DOK6: variants seen among roughly 807,000 people sequenced by gnomAD.
DOK6 encodes docking protein 6, also known as downstream of tyrosine kinase 6.
DOK6 carries 22 observed loss-of-function variants against 44.0 expected under a neutral mutation model. That is an observed-to-expected ratio of 0.50 (90% CI 0.36 to 0.71). The LOEUF is 0.71. Ranked by LOEUF, DOK6 falls within the 30% of genes least tolerant of loss-of-function variation. The pLI, the probability that DOK6 is intolerant of heterozygous loss-of-function variation, is 0.00. For missense variants in DOK6, 340 were observed against 416.4 expected, an observed-to-expected ratio of 0.82 and a Z score of 1.60; for synonymous variants, 166 against 145.5, an observed-to-expected ratio of 1.14 and a Z score of -1.01.
intron 1 of DOK6, among the ~76,000 whole-genome samples, chr18:69,550,782 T>C (rs1446534231): frequency 8.8e-5 from 5 of 56,832 alleles, no homozygotes; most frequent in Admixed American, 2.2e-4. Context: ...TCTTTCTTTT[T>C]TTTTTTTTTT....
chr18:69,593,246 C>A (rs1314625640), intron 2 of DOK6, among the ~76,000 whole-genome samples: 3 of 152,032 alleles, frequency 2.0e-5, no homozygotes, highest in Non-Finnish European at 4.4e-5. Flanking sequence ...GTGGCACACA[C>A]CTGTAGTCCC....
chr18:69,422,972 A>C (rs1444340671), intron 1 of DOK6, among the ~76,000 whole-genome samples: 1 of 152,170 alleles, frequency 6.6e-6, no homozygotes, highest in East Asian at 1.9e-4. Context: ...ACACTACTAT[A>C]TTTTAGAAAG....
chr18:69,621,980 A>G (rs565318951), intron 3 of DOK6, among the ~76,000 whole-genome samples: 1 of 152,332 alleles, frequency 6.6e-6, no homozygotes, highest in African/African-American at 2.4e-5. Context: ...TTGGAAAGAA[A>G]TATAGTAATC....
intron 1 of DOK6, among the ~76,000 whole-genome samples, chr18:69,474,896 AACAATGCAACAG>A (rs1980218108): frequency 6.6e-6 from 1 of 152,234 alleles, no homozygotes; most frequent in Non-Finnish European, 1.5e-5. Flanking sequence ...CACTAAATTT[AACAATGCAACAG>A]AATGTAATGT....
intron 1 of DOK6, among the ~76,000 whole-genome samples, chr18:69,530,669 G>A (rs985348245): frequency 6.6e-6 from 1 of 152,170 alleles, no homozygotes; most frequent in Non-Finnish European, 1.5e-5. Flanking sequence ...TTGCTGAGGA[G>A]AGCTTTACTT....
At chr18:69,665,853 TTC>T (rs749119090) in intron 3 of DOK6, among the ~76,000 whole-genome samples, 38 of 152,226 alleles carry the variant, frequency 2.5e-4, no homozygotes, top group Admixed American at 4.6e-4. Context: ...CTCCTGCTGT[TTC>T]TCTCTCAGAC....
At chr18:69,509,286 C>A (rs916149205) in intron 1 of DOK6, among the ~76,000 whole-genome samples, 5 of 152,150 alleles carry the variant, frequency 3.3e-5, no homozygotes, top group East Asian at 1.9e-4. Flanking sequence ...ATATGAAATT[C>A]AACCACCTTT....
chr18:69,795,510 C>T (rs1318635595), intron 7 of DOK6, among the ~76,000 whole-genome samples: 1 of 152,126 alleles, frequency 6.6e-6, no homozygotes, highest in Non-Finnish European at 1.5e-5. Flanking sequence ...TATTGAAAGA[C>T]AGCATAACCC....
chr18:69,786,245 A>G (rs958312935), intron 7 of DOK6, among the ~76,000 whole-genome samples: 1 of 152,214 alleles, frequency 6.6e-6, no homozygotes, highest in African/African-American at 2.4e-5. Context: ...CAACCAAAGC[A>G]CATGATAATA....
intron 5 of DOK6, among the ~76,000 whole-genome samples, chr18:69,737,386 A>G (rs1417138356): frequency 2.6e-5 from 4 of 152,186 alleles, no homozygotes; most frequent in Admixed American, 2.6e-4. Context: ...AACTCGTTCA[A>G]TATCAGGAGA....
At chr18:69,769,683 T>A (rs1599315948) in intron 7 of DOK6, among the ~76,000 whole-genome samples, 1 of 152,230 alleles carries the variant, frequency 6.6e-6, no homozygotes. Context: ...CCCAGCTTCT[T>A]TAGAGGCATG....
Position 69,698,420 on chromosome 18 carries a change from T to C in DOK6, c.426T>C (p.Tyr142=), listed in dbSNP as rs1481367315. Residue 142 remains tyrosine (Y), a synonymous_variant, in exon 5 of 8, where the codon TAT becomes TAC. Coordinates refer to ENST00000382713, the MANE Select transcript of DOK6 (RefSeq NM_152721.6). ...QREQNERFNV[Y]LMPTPNLDIY... is the part of the protein sequence containing the mutation. Reference sequence around the variant, plus strand: ...TCTTCACAGAGAGATTCAACGTGTATCTTATGCCTACACCAAACCTGGATA... The same window carrying C: ...TCTTCACAGAGAGATTCAACGTGTACCTTATGCCTACACCAAACCTGGATA... 5.0e-6 allele frequency: 8 copies of C among 1,612,674 alleles called. No individual in the cohort carries two copies. Among genetic ancestry groups the C allele is most frequent in the Non-Finnish European group, 6.8e-6 (8 of 1,179,278 alleles).
At chr18:69,789,713 C>G (rs1980536413) in intron 7 of DOK6, among the ~76,000 whole-genome samples, 1 of 152,116 alleles carries the variant, frequency 6.6e-6, no homozygotes, top group East Asian at 1.9e-4. Context: ...CTACATGAAA[C>G]AGATTAAATA....
chr18:69,531,543 T>A (rs1025539853), intron 1 of DOK6, among the ~76,000 whole-genome samples: 2 of 151,866 alleles, frequency 1.3e-5, no homozygotes, highest in East Asian at 3.9e-4. Flanking sequence ...ATGAAGGACG[T>A]GAACAGCCAT....
intron 1 of DOK6, among the ~76,000 whole-genome samples, chr18:69,529,062 C>G (rs924885298): frequency 1.3e-5 from 2 of 152,156 alleles, no homozygotes; most frequent in Non-Finnish European, 2.9e-5. Flanking sequence ...CTCCCTTTCT[C>G]TTTGTGTGTG....
At chr18:69,436,776 A>G (rs1599130508) in intron 1 of DOK6, among the ~76,000 whole-genome samples, 1 of 151,992 alleles carries the variant, frequency 6.6e-6, no homozygotes, top group Non-Finnish European at 1.5e-5. Context: ...ACTCCCACCA[A>G]CAGTGTGAAA....
intron 3 of DOK6, among the ~76,000 whole-genome samples, chr18:69,629,084 C>T (rs1371108672): frequency 6.6e-6 from 1 of 152,192 alleles, no homozygotes; most frequent in Non-Finnish European, 1.5e-5. Context: ...GGTCTCCTAG[C>T]CCATCAGAGG....
chr18:69,481,153 C>T (rs1980408037), intron 1 of DOK6, among the ~76,000 whole-genome samples: 1 of 152,126 alleles, frequency 6.6e-6, no homozygotes, highest in African/African-American at 2.4e-5. Context: ...TCGTTCACAT[C>T]CCTTGAGGTT....
chr18:69,804,401 A>G (rs149825266), intron 7 of DOK6, among the ~76,000 whole-genome samples: 69 of 152,314 alleles, frequency 4.5e-4, no homozygotes, highest in Middle Eastern at 3.4e-3. Flanking sequence ...TAATTCTTCA[A>G]TTTACTATGT....
Sources: gnomAD v4.1 joint callset for allele counts (sites outside exome capture counted in the v4.1 genomes callset) on GRCh38, gnomAD v4.1.1 for gene constraint, MANE v1.5 for transcripts, NCBI Gene and HGNC (gene_info 2026-07-23, HGNC 2026-07-21) for gene names.